The following PCNX4 variants were observed in gnomAD, a reference collection of about 807,000 sequenced individuals.
PCNX4 encodes the protein pecanex-like protein 4.
Under a neutral mutation model 107.2 loss-of-function variants are expected in PCNX4, and 103 were observed. That is an observed-to-expected ratio of 0.96 (90% CI 0.82 to 1.13). The LOEUF (loss-of-function observed/expected upper bound fraction) is 1.13, where lower values mean the gene tolerates loss of function less well. Ranked by LOEUF, PCNX4 falls within the 50% of genes most tolerant of loss-of-function variation. The probability of loss-of-function intolerance (pLI) is 0.00; values close to 1 mark genes in which losing one functional copy is unlikely to be tolerated. For synonymous variants in PCNX4, 541 were observed against 481.7 expected (o/e 1.12, Z -1.61); for missense variants, 1,528 against 1,379.4 (o/e 1.11, Z -1.71).
Position 60,138,043 on chromosome 14 carries a change from A to T in PCNX4, c.*3822A>T, listed in dbSNP as rs993636841. The T allele has an allele frequency of 6.6e-6, 1 of 152,068 alleles. No homozygotes were observed. The highest frequency in any genetic ancestry group is 1.5e-5 in the Non-Finnish European group (1 of 68,136). 9.4% of individuals were successfully genotyped at this position (152,068 alleles called of 1,614,324 possible). On this transcript the variant is annotated 3_prime_UTR_variant, in exon 11 of 11. Coordinates refer to ENST00000406854, the MANE Select transcript of PCNX4 (RefSeq NM_001330177.2). ...GAGGCAGAGGTTTCAGTGAGCCAAG[A>T]TCATGCCACTGCACTCCAGCCTGGG... is the stretch of plus-strand genomic sequence containing the variant.
intron 8 of PCNX4, among the ~76,000 whole-genome samples, chr14:60,122,760 A>G (rs1161976369): frequency 6.6e-6 from 1 of 152,180 alleles, no homozygotes; most frequent in East Asian, 1.9e-4. Flanking sequence ...CCCCTGAAAC[A>G]GTGCCTGGCA....
At chr14:60,096,617 T>C (rs997758465) in intron 1 of PCNX4, among the ~76,000 whole-genome samples, 1 of 152,234 alleles carries the variant, frequency 6.6e-6, no homozygotes, top group Non-Finnish European at 1.5e-5. Context: ...ATATGTCCCA[T>C]TTGGAGCTAG....
At chr14:60,097,363 C>T (rs557393003) in intron 1 of PCNX4, among the ~76,000 whole-genome samples, 3 of 152,280 alleles carry the variant, frequency 2.0e-5, no homozygotes, top group Admixed American at 6.5e-5. Context: ...CCCAAAGGAA[C>T]GTCCTAAATA....
In PCNX4 at chr14:60,105,832, A is replaced by C. The variant is rs566984990; in HGVS notation, c.-53-1754A>C. Among the ~76,000 whole-genome samples the C allele has an allele frequency of 2.6e-5, 4 of 152,332 alleles. No homozygotes were observed. In the South Asian group the frequency reaches 8.3e-4, roughly 32 times the overall value. On this transcript the variant is annotated intron_variant, in intron 1 of 10. Coordinates refer to ENST00000406854, the MANE Select transcript of PCNX4 (RefSeq NM_001330177.2). ...CCTTGTTTCCAAGTTATCTCAGTAG[A>C]GCCAGAAGGGCCAACTTTTACCTAA...
Position 60,125,999 on chromosome 14 carries a change from G to A in PCNX4, c.3267+176G>A. The stretch of plus-strand genomic sequence containing the variant: ...GCTAAGCTAGATGAACTCTAGAATA[G>A]CTGATTTCTCTACTTTTGCCAACTG... On this transcript the variant is annotated intron_variant, in intron 10 of 10. Coordinates refer to ENST00000406854, the MANE Select transcript of PCNX4 (RefSeq NM_001330177.2). 2 of 445,848 alleles carry A rather than the reference G, an allele frequency of 4.5e-6. 1 individual carries two copies. Among genetic ancestry groups the A allele is most frequent in the Non-Finnish European group, 7.5e-6 (2 of 265,780 alleles). The allele number at this position is 445,848 out of a possible 1,614,324, so 27.6% of individuals were successfully genotyped here. A position where few individuals can be genotyped will look rare whatever the true frequency, so the allele number is the denominator to read the frequency against.
At position 60,115,432 on chromosome 14, in the gene PCNX4, G is replaced by A. The variant is rs1347686805; in HGVS notation, c.1328G>A (p.Gly443Asp). ...FEKQTRLMKI[G>D]IVRRILLTLV... ...AAGCAAACTAGGCTCATGAAGATTG[G>A]TATTGTCAGACGGATTTTGCTAACT... Residue 443 changes from glycine to aspartate, a missense_variant, in exon 4 of 11, where the codon GGT (glycine) becomes GAT (aspartate). By Grantham distance (94) the Gly-to-Asp change is moderately conservative. Transcript: ENST00000406854. 9 of 1,537,456 alleles carry A rather than the reference G, an allele frequency of 5.9e-6. No individual in the cohort carries two copies. Among genetic ancestry groups the A allele is most frequent in the Non-Finnish European group, 7.8e-6 (9 of 1,146,566 alleles).
Position 60,125,203 on chromosome 14 carries a change from G to A in PCNX4, c.3032G>A (p.Trp1011Ter), listed in dbSNP as rs1286000733. ...TTGCCTTGGTCTGTTGCTTTGGACT[G>A]GCTCACAGAAAAGCCAGAACTGTTT... ...GVLPWSVALD[W>*]LTEKPELFQL... Residue 1011 changes from tryptophan to a stop codon, truncating the protein, a stop_gained, in exon 9 of 11, where the codon TGG becomes TAG. Transcript: ENST00000406854. LOFTEE classifies it high-confidence loss of function. 6.2e-7 allele frequency: 1 copy of A among 1,605,428 alleles called. No individual in the cohort carries two copies. Among genetic ancestry groups the A allele is most frequent in the South Asian group, 1.1e-5 (1 of 89,268 alleles).
At chr14:60,122,704 CATA>C (rs1222998322) in intron 8 of PCNX4, among the ~76,000 whole-genome samples, 1 of 152,146 alleles carries the variant, frequency 6.6e-6, no homozygotes, top group Admixed American at 6.6e-5. Context: ...TAAGTAGTAT[CATA>C]AGCACAGGGA....
In PCNX4 at chr14:60,147,154, G is replaced by A. The variant is rs971616385; in HGVS notation, c.*12933G>A. 6.6e-6 allele frequency: 1 copy of A among 152,138 alleles called. No homozygotes were observed. Among genetic ancestry groups the A allele is most frequent in the Non-Finnish European group, 1.5e-5 (1 of 68,066 alleles). 9.4% of individuals were successfully genotyped at this position (152,138 alleles called of 1,614,324 possible). ...AGGCTGGGGTGGGAGGATTGCTTGA[G>A]CCTGGGAGGTAGAGATGGGAGTGAG... On this transcript the variant is annotated 3_prime_UTR_variant, in exon 11 of 11. Coordinates refer to ENST00000406854, the MANE Select transcript of PCNX4 (RefSeq NM_001330177.2).
chr14:60,101,951 A>G (rs1355087169), intron 1 of PCNX4, among the ~76,000 whole-genome samples: 1 of 152,240 alleles, frequency 6.6e-6, no homozygotes, highest in Non-Finnish European at 1.5e-5. Flanking sequence ...TGAAGGCATT[A>G]TGTTAAGTGA....
Position 60,124,376 on chromosome 14 carries a change from G to T in PCNX4, c.2205G>T (p.Leu735Phe), listed in dbSNP as rs1329989483. 6.2e-7 allele frequency: 1 copy of T among 1,613,386 alleles called. No individual in the cohort carries two copies. The highest frequency in any genetic ancestry group is 1.7e-5 in the Admixed American group (1 of 59,876). The change falls in exon 9 of 11, where the codon TTG becomes TTT. Residue 735 changes from leucine to phenylalanine, a missense_variant. Leu to Phe is a conservative substitution (Grantham distance 22). Coordinates refer to ENST00000406854, the MANE Select transcript of PCNX4 (RefSeq NM_001330177.2). ...LTPCTVLPVKLYSDARNVLSG... is the reference protein window; with the variant it reads ...LTPCTVLPVKFYSDARNVLSG... ...CCTGTACTGTTTTGCCTGTGAAATT[G>T]TATTCTGATGCCAGGAATGTTCTAT...
intron 2 of PCNX4, among the ~76,000 whole-genome samples, chr14:60,113,026 AC>A (rs1405782888): frequency 1.3e-5 from 2 of 152,168 alleles, no homozygotes; most frequent in African/African-American, 4.8e-5. Flanking sequence ...TACTAAAAAT[AC>A]AAAAATTAGC....
At chr14:60,107,260 A>G (rs1321715258) in intron 1 of PCNX4, among the ~76,000 whole-genome samples, 1 of 152,154 alleles carries the variant, frequency 6.6e-6, no homozygotes, top group Non-Finnish European at 1.5e-5. Context: ...ATGTGCCTAT[A>G]GTCCCAGCTA....
rs559989208 is a variant in PCNX4, at chr14:60,144,106, C to G, written c.*9885C>G. 6 of 152,258 alleles carry G rather than the reference C, an allele frequency of 3.9e-5. No individual in the cohort carries two copies. Among genetic ancestry groups the G allele is most frequent in the Admixed American group, 3.3e-4 (5 of 15,300 alleles). 9.4% of individuals were successfully genotyped at this position (152,258 alleles called of 1,614,324 possible). ...TGAGGAATGAGTTAATTAACTAATA[C>G]TAAGCACTCCAGTACAGTAGAAGAC... On this transcript the variant is annotated 3_prime_UTR_variant, in exon 11 of 11. Coordinates refer to ENST00000406854, the MANE Select transcript of PCNX4 (RefSeq NM_001330177.2).
rs1240954596 is a variant in PCNX4 at position 60,142,194 on chromosome 14, A to G, written c.*7973A>G. On this transcript the variant is annotated 3_prime_UTR_variant, in exon 11 of 11. Coordinates refer to ENST00000406854, the MANE Select transcript of PCNX4 (RefSeq NM_001330177.2). This position sits in a 1 kb window ranked among gnomAD's most constrained non-coding sequence, Gnocchi z 4.7. ...GGTTATGGTTCACAAGTGTAGCCAT[A>G]TGGCAAAACTTAACAAATTGTACAC... is the stretch of plus-strand genomic sequence containing the variant. 6.6e-6 allele frequency: 1 copy of G among 152,258 alleles called. No individual in the cohort carries two copies. Among genetic ancestry groups the G allele is most frequent in the Non-Finnish European group, 1.5e-5 (1 of 68,040 alleles). 9.4% of individuals were successfully genotyped at this position (152,258 alleles called of 1,614,324 possible). A position where few individuals can be genotyped will look rare whatever the true frequency, so the allele number is the denominator to read the frequency against.
chr14:60,133,757 C>A lies in PCNX4; in HGVS notation c.3268-213C>A, dbSNP rs1181522968. The A allele has an allele frequency of 7.6e-6, 5 of 655,074 alleles. No individual in the cohort carries two copies. The Admixed American group carries it at 1.2e-4, about 16-fold the overall frequency. 40.6% of individuals were successfully genotyped at this position (655,074 alleles called of 1,614,324 possible). A position where few individuals can be genotyped will look rare whatever the true frequency, so the allele number is the denominator to read the frequency against. On this transcript the variant is annotated intron_variant, in intron 10 of 10. Coordinates refer to ENST00000406854, the MANE Select transcript of PCNX4 (RefSeq NM_001330177.2). ...GGTGATTGAGATGGCTGCCAGGAAACTTTTATTTAAAGAACCAAGGAAGTA... is the reference window on the plus strand; with the variant it reads ...GGTGATTGAGATGGCTGCCAGGAAAATTTTATTTAAAGAACCAAGGAAGTA...
At chr14:60,130,723 C>T (rs1226926887) in intron 10 of PCNX4, among the ~76,000 whole-genome samples, 3 of 151,940 alleles carry the variant, frequency 2.0e-5, no homozygotes, top group Non-Finnish European at 4.4e-5. Flanking sequence ...CAAAGCTGTA[C>T]TGGATAAAGG....
chr14:60,098,709 CG>C (rs1311290571), intron 1 of PCNX4, among the ~76,000 whole-genome samples: 1 of 151,966 alleles, frequency 6.6e-6, no homozygotes, highest in East Asian at 1.9e-4. Context: ...GAGGATGAGG[CG>C]GGTGGATCAC....
intron 7 of PCNX4, among the ~76,000 whole-genome samples, chr14:60,119,412 T>A (rs1406271472): frequency 6.6e-6 from 1 of 152,204 alleles, no homozygotes; most frequent in Admixed American, 6.5e-5. Context: ...CCCTGAAACT[T>A]GTTTTTAAAA....
Sources: allele counts gnomAD v4.1 joint callset (sites outside exome capture counted in the v4.1 genomes callset), GRCh38; gene constraint gnomAD v4.1.1; non-coding constraint Gnocchi (gnomAD v3.1); transcripts MANE v1.5; gene names NCBI Gene and HGNC (gene_info 2026-07-23, HGNC 2026-07-21).